COL27A1: variants seen among roughly 807,000 people sequenced by gnomAD.
COL27A1 encodes collagen alpha-1(XXVII) chain.
Under a neutral mutation model 251.3 loss-of-function variants are expected in COL27A1, and 106 were observed. That is an observed-to-expected ratio of 0.42 (90% confidence interval 0.36 to 0.50). The LOEUF is 0.50. COL27A1 is among the 20% of genes least tolerant of loss of function. COL27A1 has a pLI of 0.00. For missense variants in COL27A1, 2,325 were observed against 2,522.8 expected, an observed-to-expected ratio of 0.92 and a Z score of 1.68; for synonymous variants, 1,000 against 986.3, an observed-to-expected ratio of 1.01 and a Z score of -0.26.
intron 7 of COL27A1, among the ~76,000 whole-genome samples, chr9:114,198,476 T>G (rs1829317570): frequency 6.6e-6 from 1 of 152,096 alleles, no homozygotes; most frequent in African/African-American, 2.4e-5. Context: ...CTGGTCTGAG[T>G]GGGACTCAGG....
At chr9:114,226,933 C>A (rs1386924160) in intron 14 of COL27A1, among the ~76,000 whole-genome samples, 1 of 152,138 alleles carries the variant, frequency 6.6e-6, no homozygotes, top group Non-Finnish European at 1.5e-5. Context: ...AGGCATGGGG[C>A]TCTGAGGCCT....
chr9:114,173,652 C>T (rs972990032), intron 3 of COL27A1, among the ~76,000 whole-genome samples: 10 of 151,614 alleles, frequency 6.6e-5, no homozygotes, highest in Non-Finnish European at 1.0e-4. Flanking sequence ...AATGGGGATA[C>T]GGTGCCACCT....
intron 25 of COL27A1, 55 bp downstream of exon 25, chr9:114,250,723 TA>T (rs1482910591): frequency 2.6e-5 from 40 of 1,548,560 alleles, no homozygotes; most frequent in Non-Finnish European, 3.6e-5. Context: ...TTTGAAATTG[TA>T]AAAAGGTGAA....
At chr9:114,224,975 A>G (rs1043714192) in intron 14 of COL27A1, among the ~76,000 whole-genome samples, 2 of 152,038 alleles carry the variant, frequency 1.3e-5, no homozygotes, top group African/African-American at 4.8e-5. Context: ...TCTCCGCTGC[A>G]CTCCACTGTT....
At chr9:114,243,103 T>C (rs555565948) in intron 22 of COL27A1, among the ~76,000 whole-genome samples, 36 of 152,308 alleles carry the variant, frequency 2.4e-4, no homozygotes, top group Non-Finnish European at 1.5e-4. Context: ...ATGAAAATCA[T>C]TTTGACCTCC....
At chr9:114,282,635 AC>A in intron 39 of COL27A1, 71 bp downstream of exon 39, 1 of 1,010,638 alleles carries the variant, frequency 9.9e-7, no homozygotes, top group Non-Finnish European at 1.4e-6. Context: ...GAAAGGAGAC[AC>A]CAGGCTTCTC....
intron 5 of COL27A1, among the ~76,000 whole-genome samples, chr9:114,188,050 C>A (rs1231134846): frequency 1.3e-5 from 2 of 152,158 alleles, no homozygotes; most frequent in Non-Finnish European, 2.9e-5. Context: ...GGAAAGAATT[C>A]AACAGCCAGC....
At chr9:114,248,473 G>A (rs1404828172) in intron 24 of COL27A1, among the ~76,000 whole-genome samples, 1 of 152,216 alleles carries the variant, frequency 6.6e-6, no homozygotes, top group Non-Finnish European at 1.5e-5. Context: ...CCAAAACTGG[G>A]AACTCGGATC....
intron 5 of COL27A1, among the ~76,000 whole-genome samples, chr9:114,184,891 A>G (rs1828215995): frequency 6.6e-6 from 1 of 152,142 alleles, no homozygotes; most frequent in Non-Finnish European, 1.5e-5. Flanking sequence ...CAAGATGCCG[A>G]GCATCAGCAG....
In COL27A1 at chr9:114,155,878, G is replaced by T. The variant is rs1486497817; in HGVS notation, c.-73G>T. 3 of 1,099,812 alleles carry T rather than the reference G, an allele frequency of 2.7e-6. No homozygotes were observed. The highest frequency in any genetic ancestry group is 5.1e-5 in the Admixed American group (1 of 19,758). 68.1% of individuals were successfully genotyped at this position (1,099,812 alleles called of 1,614,324 possible). ...CTAAGCCGGCCTGGCGCGGCGGGGC[G>T]GGGGGCTGGCGGCCCCATGGGGCGC... On this transcript the variant is annotated 5_prime_UTR_variant, in exon 1 of 61. Coordinates refer to ENST00000356083, the MANE Select transcript of COL27A1 (RefSeq NM_032888.4). This position sits in a 1 kb window ranked among gnomAD's most constrained non-coding sequence, Gnocchi z 5.5.
In COL27A1 at chr9:114,167,904, G is replaced by A. The variant is rs1181913102; in HGVS notation, c.349G>A (p.Val117Ile). The change falls in exon 3 of 61, where the codon GTC becomes ATC. Residue 117 changes from valine to isoleucine, a missense_variant. Around this residue, in one of 4 missense-constraint regions of COL27A1, gnomAD observed 1,183 missense variants for 1,144.1 expected, o/e 1.03. Transcript: ENST00000356083. ...GGTGAACCATGCCTTCCTCTTCGCT[G>A]TCCGCAGCCAGAAACGCAAGCTGCA... Reference protein sequence around the residue: ...HRVNHAFLFAVRSQKRKLQLG... With the variant: ...HRVNHAFLFAIRSQKRKLQLG... 1 of 1,612,748 alleles carries A rather than the reference G, an allele frequency of 6.2e-7. No individual in the cohort carries two copies. The highest frequency in any genetic ancestry group is 1.7e-5 in the Admixed American group (1 of 60,028).
upstream of COL27A1, among the ~76,000 whole-genome samples, chr9:114,154,275 C>T (rs1309581890): frequency 1.3e-5 from 2 of 152,158 alleles, no homozygotes; most frequent in Admixed American, 1.3e-4. The surrounding 1 kb of genome is among the most constrained non-coding windows in gnomAD (Gnocchi z 5.8). Context: ...ACCTCGCCCC[C>T]CGCCCCCGCG....
chr9:114,166,630 C>G (rs1019064976), intron 2 of COL27A1, among the ~76,000 whole-genome samples: 2 of 152,230 alleles, frequency 1.3e-5, no homozygotes, highest in Non-Finnish European at 2.9e-5. Context: ...CTGACCCAGA[C>G]TCAGATTCCA....
intron 8 of COL27A1, 42 bp downstream of exon 8, chr9:114,205,188 C>T (rs2135299229): frequency 6.4e-7 from 1 of 1,568,840 alleles, no homozygotes; most frequent in East Asian, 2.3e-5. Context: ...CGCTCTCCCT[C>T]CTCCCAGCCC....
At position 114,211,040 on chromosome 9, in the gene COL27A1, GT is replaced by G. The variant is rs1354138849; in HGVS notation, c.2367+15del. 1.2e-6 allele frequency: 2 copies of G among 1,613,996 alleles called. No individual in the cohort carries two copies. Among genetic ancestry groups the G allele is most frequent in the African/African-American group, 2.7e-5 (2 of 74,942 alleles). ...ATGGGTATGCCGGTAAAGATTTTCC[GT>G]GTCTATTACGCAGACTCTAGCGGGG... On this transcript the variant is annotated intron_variant, in intron 12 of 60. Transcript: ENST00000356083.
At chr9:114,295,484 A>T (rs1348115599) in intron 49 of COL27A1, among the ~76,000 whole-genome samples, 1 of 152,222 alleles carries the variant, frequency 6.6e-6, no homozygotes, top group East Asian at 1.9e-4. Context: ...AACTAAAACA[A>T]CATTGAAAGA....
chr9:114,271,755 G>C (rs1835165757), intron 36 of COL27A1: 1 of 152,336 alleles, frequency 6.6e-6, no homozygotes, highest in Non-Finnish European at 1.5e-5. Context: ...CCCAGCCCAG[G>C]TTCCTAAGGG....
At chr9:114,211,092 C>T (rs1830326947) in intron 12 of COL27A1, 66 bp downstream of exon 12, 2 of 1,484,002 alleles carry the variant, frequency 1.3e-6, no homozygotes, top group Non-Finnish European at 1.9e-6. Flanking sequence ...GGCCACGCTG[C>T]CCTGGCCACC....
chr9:114,173,888 G>C (rs1440018190), intron 3 of COL27A1, among the ~76,000 whole-genome samples: 1 of 152,090 alleles, frequency 6.6e-6, no homozygotes, highest in Admixed American at 6.5e-5. Flanking sequence ...CCTGGGGTTA[G>C]TCGGTGGAGC....
Sources: allele counts gnomAD v4.1 joint callset (sites outside exome capture counted in the v4.1 genomes callset), GRCh38; gene constraint gnomAD v4.1.1; regional missense constraint gnomAD v4.1.1; non-coding constraint Gnocchi (gnomAD v3.1); transcripts MANE v1.5; gene names NCBI Gene and HGNC (gene_info 2026-07-23, HGNC 2026-07-21).